The following AKT3 variants were observed in gnomAD, a reference collection of about 807,000 sequenced individuals.
AKT3 encodes the protein AKT serine/threonine kinase 3, also known as RAC-gamma serine/threonine-protein kinase.
In AKT3, 15 loss-of-function variants were observed where a neutral mutation model predicts 65.3. That is an observed-to-expected ratio of 0.23 (90% CI 0.15 to 0.35). AKT3 has a LOEUF of 0.35. AKT3 is among the 10% of genes least tolerant of loss of function. The pLI, the probability that AKT3 is intolerant of heterozygous loss-of-function variation, is 1.00. For synonymous variants in AKT3, 206 were observed against 183.8 expected (o/e 1.12, Z -0.98); for missense variants, 243 against 576.5 (o/e 0.42, Z 5.92).
chr1:243,629,031 C>CT (rs1679394888), intron 6 of AKT3, among the ~76,000 whole-genome samples: 1 of 152,204 alleles, frequency 6.6e-6, no homozygotes, highest in Non-Finnish European at 1.5e-5. Flanking sequence ...AATCCCAGCA[C>CT]TTTGGGAGGC....
chr1:243,670,870 C>T (rs1329912542), intron 3 of AKT3, among the ~76,000 whole-genome samples: 1 of 152,066 alleles, frequency 6.6e-6, no homozygotes, highest in Non-Finnish European at 1.5e-5. Context: ...GCTGTAATTA[C>T]TCTGCAAACC....
chr1:243,849,751 C>A (rs1695680536), intron 1 of AKT3, among the ~76,000 whole-genome samples: 1 of 151,668 alleles, frequency 6.6e-6, no homozygotes. Flanking sequence ...GAACACCCCT[C>A]CCCCGGCCCG....
At chr1:243,835,325 T>C (rs1694827034) in intron 2 of AKT3, among the ~76,000 whole-genome samples, 1 of 152,128 alleles carries the variant, frequency 6.6e-6, no homozygotes, top group African/African-American at 2.4e-5. Flanking sequence ...AGGATGTATT[T>C]TGAGGGTGGA....
intron 9 of AKT3, among the ~76,000 whole-genome samples, chr1:243,567,090 G>A (rs1674211519): frequency 6.6e-6 from 1 of 152,076 alleles, no homozygotes; most frequent in Non-Finnish European, 1.5e-5. Flanking sequence ...GACCAGCCTG[G>A]GCAACATGGT....
intron 12 of AKT3, among the ~76,000 whole-genome samples, chr1:243,528,577 T>A (rs756904294): frequency 2.6e-5 from 4 of 152,202 alleles, no homozygotes; most frequent in Non-Finnish European, 4.4e-5. Flanking sequence ...ATGCGGGATT[T>A]TGTTTTCTGT....
intron 13 of AKT3, among the ~76,000 whole-genome samples, chr1:243,508,828 G>A (rs1669839780): frequency 6.6e-6 from 1 of 151,864 alleles, no homozygotes; most frequent in Admixed American, 6.6e-5. Flanking sequence ...ACCACGTCTG[G>A]CTAATTTTTG....
Position 243,624,081 on chromosome 1 carries a change from A to T in AKT3, c.562-8920T>A, listed in dbSNP as rs572222066. Among the ~76,000 whole-genome samples, 9 of 152,318 alleles carry T rather than the reference A, an allele frequency of 5.9e-5. No individual in the cohort carries two copies. In the South Asian group the frequency reaches 1.9e-3, roughly 32 times the overall value. Reference sequence around the variant, plus strand: ...ACTGAGCCTGAGAGTGGTCTTAGGGACAGCTGACACAGTTGCCATCATAAG... The same window carrying T: ...ACTGAGCCTGAGAGTGGTCTTAGGGTCAGCTGACACAGTTGCCATCATAAG... On this transcript the variant is annotated intron_variant, in intron 6 of 13. Transcript: ENST00000673466.
intron 2 of AKT3, among the ~76,000 whole-genome samples, chr1:243,723,138 A>G (rs552546870): frequency 1.8e-4 from 28 of 152,320 alleles, no homozygotes; most frequent in African/African-American, 6.5e-4. Flanking sequence ...CAATCACAAT[A>G]TAACGAAAAT....
chr1:243,558,878 C>T (rs1038874970), intron 10 of AKT3, among the ~76,000 whole-genome samples: 5 of 152,024 alleles, frequency 3.3e-5, no homozygotes, highest in South Asian at 2.1e-4. Flanking sequence ...ACTGCCAAAA[C>T]GCACTTAACA....
At chr1:243,505,401 G>A (rs1468516053) in intron 13 of AKT3, 67 bp from the exon 14 acceptor site, 2 of 1,399,954 alleles carry the variant, frequency 1.4e-6, no homozygotes, top group Non-Finnish European at 2.0e-6. Context: ...TCTAGTCTAT[G>A]TTTTTTAAAC....
chr1:243,567,490 T>TC (rs1245857723), intron 9 of AKT3, among the ~76,000 whole-genome samples: 8 of 143,006 alleles, frequency 5.6e-5, no homozygotes, highest in Non-Finnish European at 1.1e-4. Context: ...TTTCTTCCTT[T>TC]TTTTTTTTTT....
chr1:243,850,373 T>G (rs1243277319), upstream of AKT3, among the ~76,000 whole-genome samples: 10 of 150,420 alleles, frequency 6.6e-5, no homozygotes, highest in African/African-American at 2.2e-4. Context: ...AGGCGGAGAC[T>G]CTACATGGGA....
chr1:243,658,864 C>CAAA (rs58117921), intron 4 of AKT3, among the ~76,000 whole-genome samples: 12 of 82,868 alleles, frequency 1.4e-4, no homozygotes, highest in Non-Finnish European at 1.7e-4. Context: ...CTTGTCTCTA[C>CAAA]AAAAAAAAAA....
At chr1:243,785,421 A>G (rs1356384387) in intron 2 of AKT3, among the ~76,000 whole-genome samples, 1 of 151,672 alleles carries the variant, frequency 6.6e-6, no homozygotes, top group East Asian at 1.9e-4. Flanking sequence ...GAGAACACAG[A>G]AAATAGTTGT....
intron 11 of AKT3, among the ~76,000 whole-genome samples, chr1:243,545,864 T>C (rs1672631102): frequency 6.6e-6 from 1 of 152,216 alleles, no homozygotes; most frequent in Admixed American, 6.5e-5. Flanking sequence ...ACTTATGAGA[T>C]GTGTGACAAC....
At chr1:243,820,336 GAAGAT>G (rs1558843567) in intron 2 of AKT3, among the ~76,000 whole-genome samples, 2 of 152,180 alleles carry the variant, frequency 1.3e-5, no homozygotes, top group East Asian at 3.9e-4. Flanking sequence ...ATAAACCCAT[GAAGAT>G]AAGAAAGAAT....
intron 2 of AKT3, among the ~76,000 whole-genome samples, chr1:243,699,881 A>G (rs1184885665): frequency 6.6e-6 from 1 of 152,116 alleles, no homozygotes; most frequent in Middle Eastern, 3.2e-3. Context: ...GGAAGGGGGA[A>G]CGTGGCCACA....
intron 9 of AKT3, among the ~76,000 whole-genome samples, chr1:243,565,794 G>A (rs949553116): frequency 9.9e-5 from 15 of 151,138 alleles, no homozygotes; most frequent in African/African-American, 3.5e-4. Flanking sequence ...AATGAGAAAC[G>A]TTAAGTATAT....
At chr1:243,492,110 C>G (rs1454561446) in intron 13 of AKT3, among the ~76,000 whole-genome samples, 1 of 151,908 alleles carries the variant, frequency 6.6e-6, no homozygotes, top group African/African-American at 2.4e-5. Flanking sequence ...CTTCATTATT[C>G]TAATTGTTTC....
Sources: gnomAD v4.1 joint callset for allele counts (sites outside exome capture counted in the v4.1 genomes callset) on GRCh38, gnomAD v4.1.1 for gene constraint, MANE v1.5 for transcripts, NCBI Gene and HGNC (gene_info 2026-07-23, HGNC 2026-07-21) for gene names.